The following ATM variants were observed in gnomAD, a reference collection of about 807,000 sequenced individuals.
The protein encoded by ATM is ATM serine/threonine kinase.
Under a neutral mutation model 387.0 loss-of-function variants are expected in ATM, and 308 were observed. That is an observed-to-expected ratio of 0.80 (90% CI 0.73 to 0.87). The LOEUF (loss-of-function observed/expected upper bound fraction) is 0.87, where lower values mean the gene tolerates loss of function less well. Ranked by LOEUF, ATM falls within the 40% of genes least tolerant of loss-of-function variation. ATM has a pLI of 0.00. For synonymous variants in ATM, 1,156 were observed against 1,187.3 expected, an observed-to-expected ratio of 0.97 and a Z score of 0.54; for missense variants, 3,312 against 3,560.9, an observed-to-expected ratio of 0.93 and a Z score of 1.78.
chr11:108,329,438 A>T (rs2086030465), intron 49 of ATM, 200 bp downstream of exon 49: 3 of 573,304 alleles, frequency 5.2e-6, no homozygotes, highest in African/African-American at 1.9e-5. Context: ...ACAAGGTCTC[A>T]CTCTGTCACC....
In ATM at chr11:108,331,933, GC is replaced by G; in HGVS notation, c.7686del (p.Leu2563Ter). On this transcript the variant is annotated frameshift_variant, in exon 52 of 63. Coordinates refer to ENST00000675843, the MANE Select transcript of ATM (RefSeq NM_000051.4). LOFTEE classifies it high-confidence loss of function. ...CCATCACACTTTGTTTATTATACTG[GC>G]CTTAGCAAATGCAAACAGAGATGAA... is the stretch of plus-strand genomic sequence containing the variant. ...HPHHTLFIIL[A>X]LANANRDEFL... 1 of 1,613,824 alleles carries G rather than the reference GC, an allele frequency of 6.2e-7. No individual in the cohort carries two copies.
intron 61 of ATM, among the ~76,000 whole-genome samples, chr11:108,356,565 A>G (rs2089952664): frequency 1.3e-5 from 2 of 150,724 alleles, no homozygotes; most frequent in Admixed American, 1.3e-4. Flanking sequence ...AAAAAAGCCC[A>G]AACTTTTCAA....
At chr11:108,355,781 T>G (rs1359217074) in intron 61 of ATM, 1 of 152,266 alleles carries the variant, frequency 6.6e-6, no homozygotes, top group Non-Finnish European at 1.5e-5. Flanking sequence ...AACTAGGATA[T>G]GAGAACTGTC....
intron 14 of ATM, among the ~76,000 whole-genome samples, chr11:108,256,984 G>T (rs1009381411): frequency 6.6e-6 from 1 of 152,150 alleles, no homozygotes; most frequent in Non-Finnish European, 1.5e-5. Context: ...ACATACGTGT[G>T]CATGTGTCTT....
intron 44 of ATM, among the ~76,000 whole-genome samples, chr11:108,320,942 GAA>G (rs1022014140): frequency 1.3e-5 from 2 of 152,130 alleles, no homozygotes; most frequent in African/African-American, 4.8e-5. Context: ...AAATGTTATT[GAA>G]AATTATAAGG....
At position 108,282,723 on chromosome 11, in the gene ATM, T is replaced by C. The variant is rs1555092259; in HGVS notation, c.3590T>C (p.Val1197Ala). 5 of 1,613,288 alleles carry C rather than the reference T, an allele frequency of 3.1e-6. No homozygotes were observed. The highest frequency in any genetic ancestry group is 4.2e-6 in the Non-Finnish European group (5 of 1,179,724). The change falls in exon 25 of 63, where the codon GTT becomes GCT. Residue 1197 changes from valine (V) to alanine (A), a missense_variant. Around this residue, in one of 4 missense-constraint regions of ATM, gnomAD observed 1,791 missense variants for 1,804.5 expected, o/e 0.99. Coordinates refer to ENST00000675843, the MANE Select transcript of ATM (RefSeq NM_000051.4). The stretch of plus-strand genomic sequence containing the variant: ...TGGTTCGTGCAGGTTTTAGAGAAAG[T>C]TTCTGAAACTTTTGGATATAGACGT... Reference protein sequence around the residue: ...PHLVKKVLEKVSETFGYRRLE... With the variant: ...PHLVKKVLEKASETFGYRRLE...
chr11:108,340,921 GTAT>G (rs1290023604), intron 56 of ATM, among the ~76,000 whole-genome samples: 1 of 151,986 alleles, frequency 6.6e-6, no homozygotes, highest in African/African-American at 2.4e-5. Flanking sequence ...ATTTTTTATT[GTAT>G]TGTTTTTATT....
intron 33 of ATM, 74 bp downstream of exon 33, chr11:108,297,456 ATTTT>A: frequency 8.2e-7 from 1 of 1,226,698 alleles, no homozygotes; most frequent in Non-Finnish European, 1.2e-6. Flanking sequence ...ATAATACTGT[ATTTT>A]TACTGTATGT....
chr11:108,239,541 C>T (rs1473287961), intron 5 of ATM, among the ~76,000 whole-genome samples: 8 of 152,170 alleles, frequency 5.3e-5, no homozygotes, highest in Non-Finnish European at 1.2e-4. Context: ...TTAATTCATT[C>T]GTCCATTGGT....
At chr11:108,300,522 C>T (rs2083371422) in intron 34 of ATM, among the ~76,000 whole-genome samples, 1 of 152,162 alleles carries the variant, frequency 6.6e-6, no homozygotes, top group Admixed American at 6.5e-5. Flanking sequence ...TTCCTCACAA[C>T]CAGGCACCTT....
Position 108,316,594 on chromosome 11 carries a change from T to TA in ATM, c.6198+481_6198+482insA, listed in dbSNP as rs2084670106. On this transcript the variant is annotated intron_variant, in intron 42 of 62. Transcript: ENST00000675843. ...CTATTTTTGTGTTTTTTGGGAAACA[T>TA]TAAACGATATTTTGGGATTAAAAAA... Among the ~76,000 whole-genome samples, 7 of 152,108 alleles carry TA rather than the reference T, an allele frequency of 4.6e-5. No homozygotes were observed. The South Asian group carries it at 1.5e-3, about 32-fold the overall frequency.
In ATM at chr11:108,356,939, G is replaced by A. The variant is rs575938692; in HGVS notation, c.8850+2065G>A. ...CTTTAAACACACCCTCCGGGAGGAG[G>A]AGCCAAGATGGCCGAATAGGAACAG... On this transcript the variant is annotated intron_variant, in intron 61 of 62. Coordinates refer to ENST00000675843, the MANE Select transcript of ATM (RefSeq NM_000051.4). Among the ~76,000 whole-genome samples, 155 of 152,294 alleles carry A rather than the reference G, an allele frequency of 1.0e-3. 1 individual carries two copies. In the Middle Eastern group the frequency reaches 0.024, roughly 23 times the overall value.
At chr11:108,231,290 T>G (rs1467051165) in intron 4 of ATM, among the ~76,000 whole-genome samples, 1 of 152,176 alleles carries the variant, frequency 6.6e-6, no homozygotes, top group Non-Finnish European at 1.5e-5. Flanking sequence ...CAAGCTTTTG[T>G]AAGGAAATGG....
At chr11:108,355,738 T>TA (rs1395067072) in intron 61 of ATM, 1 of 152,244 alleles carries the variant, frequency 6.6e-6, no homozygotes, top group Non-Finnish European at 1.5e-5. Flanking sequence ...GGGGCAGGAA[T>TA]ATGTGCATTT....
At chr11:108,349,233 G>A (rs2088869720) in intron 59 of ATM, among the ~76,000 whole-genome samples, 1 of 152,208 alleles carries the variant, frequency 6.6e-6, no homozygotes, top group Non-Finnish European at 1.5e-5. Flanking sequence ...GGTCAGAGAG[G>A]ATGAATGCTG....
rs1378659157 is a variant in ATM, at chr11:108,326,026, G to A, written c.6808-32G>A. 7.5e-6 allele frequency: 12 copies of A among 1,608,192 alleles called. No individual in the cohort carries two copies. The highest frequency in any genetic ancestry group is 1.3e-5 in the African/African-American group (1 of 74,706). On this transcript the variant is annotated intron_variant, in intron 46 of 62. Transcript: ENST00000675843. ...CATGGTAGTAGTATCAGTAGTAAAA[G>A]TATTTATTCCCATATGTCATTTTCA...
Position 108,245,174 on chromosome 11 carries a change from TAG to T in ATM, c.901+151_901+152del, listed in dbSNP as rs1168099726. The T allele has an allele frequency of 6.8e-6, 5 of 738,730 alleles. No individual in the cohort carries two copies. In the African/African-American group the frequency reaches 7.1e-5, roughly 11 times the overall value. The allele number at this position is 738,730 out of a possible 1,614,324, so 45.8% of individuals were successfully genotyped here. ...TACTTAGCCATGAGAATGTTTTTCA[TAG>T]AGTTTTTAGAATTTGAAGCAGTGGT... On this transcript the variant is annotated intron_variant, in intron 7 of 62. Coordinates refer to ENST00000675843, the MANE Select transcript of ATM (RefSeq NM_000051.4).
In ATM at chr11:108,365,555, T is replaced by G. The variant is rs958593856; in HGVS notation, c.*47T>G. ...TTTCATTCAGCCTTTAGAAATTATA[T>G]TTTAGCCTTTATTTTTAACCTGCCA... On this transcript the variant is annotated 3_prime_UTR_variant, in exon 63 of 63. Coordinates refer to ENST00000675843, the MANE Select transcript of ATM (RefSeq NM_000051.4). 5.1e-6 allele frequency: 8 copies of G among 1,582,558 alleles called. No individual in the cohort carries two copies. Among genetic ancestry groups the G allele is most frequent in the Non-Finnish European group, 6.9e-6 (8 of 1,160,452 alleles).
chr11:108,236,820 G>A (rs2079303566), intron 5 of ATM, among the ~76,000 whole-genome samples: 1 of 152,164 alleles, frequency 6.6e-6, no homozygotes, highest in Admixed American at 6.5e-5. Context: ...AAGGAAGGAA[G>A]TTATGGTCAG....
Sources: gnomAD v4.1 joint callset for allele counts (sites outside exome capture counted in the v4.1 genomes callset) on GRCh38, gnomAD v4.1.1 for gene constraint, gnomAD v4.1.1 regional missense constraint, MANE v1.5 for transcripts, NCBI Gene and HGNC (gene_info 2026-07-23, HGNC 2026-07-21) for gene names.